Variants in ELFN2 observed in about 807,000 individuals in gnomAD.
The protein encoded by ELFN2 is extracellular leucine rich repeat and fibronectin type III domain containing 2, also known as protein phosphatase 1 regulatory subunit 29.
Under a neutral mutation model 45.5 loss-of-function variants are expected in ELFN2, and 17 were observed. The ratio of observed to expected loss-of-function variants is 0.37; its 90% CI spans 0.26 to 0.56. The LOEUF (loss-of-function observed/expected upper bound fraction) is 0.56. Among genes scored for constraint, ELFN2 ranks in the 20% least tolerant of loss-of-function variants. The pLI is 0.77. For missense variants in ELFN2, 922 were observed against 1,183.2 expected, an observed-to-expected ratio of 0.78 and a Z score of 3.24; for synonymous variants, 550 against 551.5, an observed-to-expected ratio of 1.00 and a Z score of 0.04.
Position 37,374,464 on chromosome 22 carries a change from G to A in ELFN2, c.1071C>T (p.Tyr357=). The A allele has an allele frequency of 6.2e-7, 1 of 1,614,234 alleles. No individual in the cohort carries two copies. Among genetic ancestry groups the A allele is most frequent in the African/African-American group, 1.3e-5 (1 of 75,074 alleles). The change falls in exon 3 of 3, where the codon TAC becomes TAT. Residue 357 remains tyrosine (Y), a synonymous_variant. Transcript: ENST00000402918. ...TGCGCAGCGAGGTCACGCAGAAGGT[G>A]TACTCAGTGTGCGCCCGCAGTTTGT... is the stretch of plus-strand genomic sequence containing the variant. ...TLDKLRAHTE[Y]TFCVTSLRNS...
chr22:37,412,292 A>AAAGAAAG (rs1555924485), intron 2 of ELFN2, among the ~76,000 whole-genome samples: 3 of 146,444 alleles, frequency 2.0e-5, no homozygotes, highest in African/African-American at 7.8e-5. Context: ...AAAAAAAAAA[A>AAAGAAAG]AAAGAAAGAA....
At chr22:37,415,688 C>T (rs377612194) in intron 2 of ELFN2, among the ~76,000 whole-genome samples, 47 of 152,300 alleles carry the variant, frequency 3.1e-4, no homozygotes, top group Admixed American at 5.9e-4. Flanking sequence ...GTGGGCCAGG[C>T]GCGGTGGCTC....
chr22:37,346,674 TC>T (rs1341702175), intron 1 of ELFN2, among the ~76,000 whole-genome samples: 1 of 152,116 alleles, frequency 6.6e-6, no homozygotes, highest in African/African-American at 2.4e-5. Flanking sequence ...CTGTGTTCAT[TC>T]TCTTGGTGTG....
At position 37,375,346 on chromosome 22, in the gene ELFN2, G is replaced by C; in HGVS notation, c.189C>G (p.Asn63Lys). ...INSTVHDLRL[N>K]ENKLKAVLYS... ...AGAGCACGGCTTTGAGCTTGTTCTC[G>C]TTGAGCCGCAGGTCGTGCACGGTGC... Residue 63 changes from asparagine to lysine, a missense_variant, in exon 3 of 3, where the codon AAC becomes AAG. By Grantham distance (94) the Asn-to-Lys change is moderately conservative. Coordinates refer to ENST00000402918, the MANE Select transcript of ELFN2 (RefSeq NM_052906.5). The C allele has an allele frequency of 6.2e-7, 1 of 1,614,156 alleles. No individual in the cohort carries two copies. Among genetic ancestry groups the C allele is most frequent in the Non-Finnish European group, 8.5e-7 (1 of 1,180,028 alleles).
In ELFN2 at chr22:37,407,611, C is replaced by T. The variant is rs574071721; in HGVS notation, c.-463+10158G>A. 3.0e-4 allele frequency among the ~76,000 whole-genome samples: 46 copies of T among 152,162 alleles called. 1 individual carries two copies. The South Asian group carries it at 9.3e-3, about 31-fold the overall frequency. ...CAGCATTTTTTAGAAAACGCCCCAC[C>T]CGGCGGCCAGGCGCAGTGGCTCATG... On this transcript the variant is annotated intron_variant, in intron 2 of 2. Coordinates refer to ENST00000402918, the MANE Select transcript of ELFN2 (RefSeq NM_052906.5).
At chr22:37,349,325 G>A (rs898625700) in intron 1 of ELFN2, among the ~76,000 whole-genome samples, 2 of 151,188 alleles carry the variant, frequency 1.3e-5, no homozygotes, top group Admixed American at 1.3e-4. Flanking sequence ...GCAGGTAGAA[G>A]AGAGGCACCC....
At chr22:37,402,805 G>C (rs1238069549) in intron 2 of ELFN2, among the ~76,000 whole-genome samples, 1 of 152,178 alleles carries the variant, frequency 6.6e-6, no homozygotes, top group Non-Finnish European at 1.5e-5. Flanking sequence ...AGGCTGAGCA[G>C]AAGCCAGAGC....
At chr22:37,342,139 G>C (rs1214940638) in intron 2 of ELFN2, among the ~76,000 whole-genome samples, 1 of 152,126 alleles carries the variant, frequency 6.6e-6, no homozygotes, top group Non-Finnish European at 1.5e-5. Flanking sequence ...TGAGGACTTG[G>C]GTCCCTGGAG....
chr22:37,403,007 C>T (rs1429628198), intron 2 of ELFN2, among the ~76,000 whole-genome samples: 2 of 152,088 alleles, frequency 1.3e-5, no homozygotes, highest in Non-Finnish European at 2.9e-5. Context: ...GACCATGCCT[C>T]ACTTGCCCAC....
At chr22:37,344,128 G>A (rs1420943569) in intron 1 of ELFN2, among the ~76,000 whole-genome samples, 2 of 57,412 alleles carry the variant, frequency 3.5e-5, no homozygotes, top group Non-Finnish European at 6.6e-5. Context: ...GCCTGCCCAT[G>A]CCCACCTGCC....
At chr22:37,350,142 C>A (rs1367350646) in intron 1 of ELFN2, among the ~76,000 whole-genome samples, 1 of 150,906 alleles carries the variant, frequency 6.6e-6, no homozygotes, top group Non-Finnish European at 1.5e-5. Context: ...CCACAGCTGG[C>A]CTCACAGACG....
At chr22:37,360,779 GA>G (rs1416149456) in intron 1 of ELFN2, among the ~76,000 whole-genome samples, 2 of 152,210 alleles carry the variant, frequency 1.3e-5, no homozygotes, top group Non-Finnish European at 2.9e-5. Flanking sequence ...CACAAAACAG[GA>G]GGCAAGAGCA....
chr22:37,402,749 T>C (rs948658525), intron 2 of ELFN2, among the ~76,000 whole-genome samples: 3 of 151,632 alleles, frequency 2.0e-5, no homozygotes, highest in Admixed American at 6.6e-5. Flanking sequence ...GCAGGAGAGA[T>C]GGTGTTCAGC....
chr22:37,418,504 G>A (rs1932783137), intron 1 of ELFN2, among the ~76,000 whole-genome samples: 1 of 151,838 alleles, frequency 6.6e-6, no homozygotes, highest in African/African-American at 2.4e-5. Flanking sequence ...GCCTGGAGGT[G>A]TCTCCCCAGT....
intron 1 of ELFN2, chr22:37,426,844 A>AGG (rs1932855492): frequency 6.7e-6 from 1 of 148,194 alleles, no homozygotes; most frequent in African/African-American, 2.5e-5. Flanking sequence ...TTCCCCTAGA[A>AGG]GGCATCCACC....
At chr22:37,411,814 G>C (rs1374608594) in intron 2 of ELFN2, among the ~76,000 whole-genome samples, 2 of 152,100 alleles carry the variant, frequency 1.3e-5, no homozygotes, top group Non-Finnish European at 2.9e-5. Flanking sequence ...CCAGGAGCCT[G>C]GCAGTATCCC....
intron 2 of ELFN2, among the ~76,000 whole-genome samples, chr22:37,416,014 A>G (rs1209302157): frequency 6.6e-6 from 1 of 152,168 alleles, no homozygotes; most frequent in Non-Finnish European, 1.5e-5. Context: ...AGTCACTGAG[A>G]GTCTATTACA....
chr22:37,353,169 CT>C (rs1465445607), intron 1 of ELFN2: 2 of 151,112 alleles, frequency 1.3e-5, no homozygotes, highest in African/African-American at 4.8e-5. Flanking sequence ...GTCCTTCCTC[CT>C]CTTGCATCCA....
rs555108083 is a variant in ELFN2 at position 37,383,854 on chromosome 22, C to T, written c.-462-7858G>A. On this transcript the variant is annotated intron_variant, in intron 2 of 2. Coordinates refer to ENST00000402918, the MANE Select transcript of ELFN2 (RefSeq NM_052906.5). ...CTGCAAGGCCTTGGTGCTTTGGACG[C>T]GCATCTCCAGGTGTAACCTCAGCCA... is the stretch of plus-strand genomic sequence containing the variant. Among the ~76,000 whole-genome samples, 4 of 152,288 alleles carry T rather than the reference C, an allele frequency of 2.6e-5. No individual in the cohort carries two copies. In the East Asian group the frequency reaches 7.7e-4, roughly 29 times the overall value.
Sources: gnomAD v4.1 joint callset for allele counts (sites outside exome capture counted in the v4.1 genomes callset) on GRCh38, gnomAD v4.1.1 for gene constraint, MANE v1.5 for transcripts, NCBI Gene and HGNC (gene_info 2026-07-23, HGNC 2026-07-21) for gene names.